HPGDS: variants seen among roughly 807,000 people sequenced by gnomAD.
The protein encoded by HPGDS is GST class-sigma.
A neutral mutation model predicts 23.1 loss-of-function variants in HPGDS; 26 were observed. The ratio of observed to expected loss-of-function variants is 1.13; its 90% CI spans 0.83 to 1.56. HPGDS has a LOEUF of 1.56. HPGDS is among the 40% of genes most tolerant of loss of function. HPGDS has a pLI of 0.00. For synonymous variants in HPGDS, 95 were observed against 77.9 expected, an observed-to-expected ratio of 1.22 and a Z score of -1.16; for missense variants, 268 against 236.4, an observed-to-expected ratio of 1.13 and a Z score of -0.88.
chr4:94,308,283 C>T (rs1756177204), intron 4 of HPGDS, among the ~76,000 whole-genome samples: 2 of 152,058 alleles, frequency 1.3e-5, no homozygotes, highest in African/African-American at 4.8e-5. Flanking sequence ...TTTTGGACTT[C>T]AGACTTTCAG....
intron 1 of HPGDS, among the ~76,000 whole-genome samples, chr4:94,340,840 T>C (rs1274972945): frequency 1.5e-5 from 2 of 129,820 alleles, no homozygotes; most frequent in East Asian, 4.1e-4. Context: ...TTTCTTTTTT[T>C]TTTTCTTTCT....
intron 2 of HPGDS, among the ~76,000 whole-genome samples, chr4:94,320,123 G>A (rs536683244): frequency 6.6e-6 from 1 of 152,154 alleles, no homozygotes; most frequent in East Asian, 1.9e-4. Flanking sequence ...AGTATTCCAT[G>A]GTATATATGT....
Position 94,308,646 on chromosome 4 carries a change from C to T in HPGDS, c.324G>A (p.Lys108=), listed in dbSNP as rs1278680865. The T allele has an allele frequency of 1.3e-6, 2 of 1,584,370 alleles. No individual in the cohort carries two copies. Among genetic ancestry groups the T allele is most frequent in the South Asian group, 1.1e-5 (1 of 89,492 alleles). The part of the protein sequence containing the change: ...FMSCFPWAEK[K]QDVKEQMFNE... ...TGGATCACATTACTTTCACATCTTG[C>T]TTTTTCTCTGCCCAAGGAAAACATG... The change falls in exon 4 of 6, where the codon AAG becomes AAA. Residue 108 remains lysine (K), a synonymous_variant. Transcript: ENST00000295256.
At chr4:94,321,188 A>C (rs902819575) in intron 2 of HPGDS, among the ~76,000 whole-genome samples, 2 of 152,170 alleles carry the variant, frequency 1.3e-5, no homozygotes, top group African/African-American at 4.8e-5. Flanking sequence ...GTTTGAAGTC[A>C]GGTAGCATGA....
intron 3 of HPGDS, among the ~76,000 whole-genome samples, chr4:94,314,070 T>C (rs1348731414): frequency 1.3e-5 from 2 of 152,208 alleles, no homozygotes. Flanking sequence ...TAAACTCCTT[T>C]GCCATGGGTT....
intron 4 of HPGDS, among the ~76,000 whole-genome samples, chr4:94,307,752 G>T (rs1183762166): frequency 6.6e-6 from 1 of 152,148 alleles, no homozygotes; most frequent in Non-Finnish European, 1.5e-5. Flanking sequence ...ACTGTGGAAA[G>T]TCAGCAGTAA....
At chr4:94,325,895 G>A (rs184813597) in intron 2 of HPGDS, among the ~76,000 whole-genome samples, 34 of 151,996 alleles carry the variant, frequency 2.2e-4, no homozygotes, top group African/African-American at 8.0e-4. Context: ...GACTGGAGCT[G>A]TTCCTATTCA....
chr4:94,341,492 G>T (rs1016612243), intron 1 of HPGDS, among the ~76,000 whole-genome samples: 2 of 152,130 alleles, frequency 1.3e-5, no homozygotes, highest in African/African-American at 4.8e-5. Context: ...TCAAAAAAGA[G>T]AACTTTTGGA....
chr4:94,332,001 T>C (rs1756744138), intron 2 of HPGDS, among the ~76,000 whole-genome samples: 2 of 152,120 alleles, frequency 1.3e-5, no homozygotes, highest in African/African-American at 4.8e-5. Context: ...TAATGCTTTT[T>C]TACCAATTGA....
intron 1 of HPGDS, among the ~76,000 whole-genome samples, chr4:94,335,260 C>A (rs905628046): frequency 5.9e-5 from 9 of 152,198 alleles, no homozygotes; most frequent in African/African-American, 2.2e-4. Context: ...CAAAACACAC[C>A]CCATCTCCAG....
At chr4:94,330,891 G>A (rs1183147209) in intron 2 of HPGDS, among the ~76,000 whole-genome samples, 1 of 152,154 alleles carries the variant, frequency 6.6e-6, no homozygotes, top group African/African-American at 2.4e-5. Flanking sequence ...ACTGAGCAAT[G>A]AACGATTTGC....
chr4:94,331,659 G>T (rs1002604492), intron 2 of HPGDS, among the ~76,000 whole-genome samples: 1 of 152,104 alleles, frequency 6.6e-6, no homozygotes, highest in African/African-American at 2.4e-5. Flanking sequence ...CAGGGGAAAG[G>T]TGCTATGGAT....
rs764152321 is a variant in HPGDS, at chr4:94,334,550, A to G, written c.80T>C (p.Ile27Thr). The G allele has an allele frequency of 1.2e-6, 2 of 1,613,190 alleles. No individual in the cohort carries two copies. The highest frequency in any genetic ancestry group is 8.5e-7 in the Non-Finnish European group (1 of 1,179,414). Residue 27 changes from isoleucine (I) to threonine (T), a missense_variant, in exon 2 of 6, where the codon ATA becomes ACA. Transcript: ENST00000295256. Reference protein sequence around the residue: ...IIRYIFAYLDIQYEDHRIEQA... With the variant: ...IIRYIFAYLDTQYEDHRIEQA... The stretch of plus-strand genomic sequence containing the variant: ...TTCTATTCTGTGGTCTTCATACTGT[A>G]TGTCCAAATAAGCAAATATGTAACG...
chr4:94,323,111 C>T (rs1756551477), intron 2 of HPGDS, among the ~76,000 whole-genome samples: 1 of 152,148 alleles, frequency 6.6e-6, no homozygotes, highest in South Asian at 2.1e-4. Flanking sequence ...AGTTTGATTG[C>T]ACTGTGGTCT....
At chr4:94,328,980 C>T (rs1372235244) in intron 2 of HPGDS, among the ~76,000 whole-genome samples, 1 of 152,072 alleles carries the variant, frequency 6.6e-6, no homozygotes. Context: ...AAGTACTTAC[C>T]TTTAAGTAAT....
At chr4:94,340,748 T>C (rs1317964850) in intron 1 of HPGDS, among the ~76,000 whole-genome samples, 1 of 140,896 alleles carries the variant, frequency 7.1e-6, no homozygotes, top group East Asian at 2.1e-4. Flanking sequence ...AGCCTCTGCC[T>C]CCCGGGTTCA....
intron 2 of HPGDS, among the ~76,000 whole-genome samples, chr4:94,322,726 C>T (rs910543522): frequency 2.0e-5 from 3 of 151,766 alleles, no homozygotes; most frequent in African/African-American, 7.3e-5. Flanking sequence ...CCTGGGTTCG[C>T]TGATTTTTTG....
rs13132963 is a variant in HPGDS at position 94,298,629 on chromosome 4, A to G, written c.*851T>C. 0.38 allele frequency: 57,648 copies of G among 152,064 alleles called. 11,932 individuals are homozygous for G. The highest frequency in any genetic ancestry group is 0.71 in the East Asian group (3,681 of 5,158). The allele number at this position is 152,064 out of a possible 1,614,324, so 9.4% of individuals were successfully genotyped here. ...TAGTCTTTTGTCAGATACATGTTTT[A>G]CAAGTATTTTCTCCAAGTCTGTGGC... On this transcript the variant is annotated 3_prime_UTR_variant, in exon 6 of 6. Coordinates refer to ENST00000295256, the MANE Select transcript of HPGDS (RefSeq NM_014485.3).
chr4:94,340,650 CTT>C (rs35678433), intron 1 of HPGDS, among the ~76,000 whole-genome samples: 16 of 22,466 alleles, frequency 7.1e-4, no homozygotes, highest in African/African-American at 4.9e-3. Context: ...GCCCCCCTCC[CTT>C]TTTTTTTTTT....
Sources: gnomAD v4.1 joint callset for allele counts (sites outside exome capture counted in the v4.1 genomes callset) on GRCh38, gnomAD v4.1.1 for gene constraint, MANE v1.5 for transcripts, NCBI Gene and HGNC (gene_info 2026-07-23, HGNC 2026-07-21) for gene names.